PDGFD: variants seen among roughly 807,000 people sequenced by gnomAD.
PDGFD encodes platelet derived growth factor D.
Under a neutral mutation model 44.7 loss-of-function variants are expected in PDGFD, and 30 were observed. That is an observed-to-expected ratio of 0.67 (90% confidence interval 0.50 to 0.91). PDGFD has a LOEUF of 0.91. Among genes scored for constraint, PDGFD ranks in the 40% least tolerant of loss-of-function variants. The pLI is 0.00. For synonymous variants in PDGFD, 173 were observed against 168.4 expected (o/e 1.03, Z -0.21); for missense variants, 445 against 457.8 (o/e 0.97, Z 0.25).
At chr11:103,971,202 T>A (rs750838469) in intron 3 of PDGFD, among the ~76,000 whole-genome samples, 1 of 152,188 alleles carries the variant, frequency 6.6e-6, no homozygotes, top group Non-Finnish European at 1.5e-5. Flanking sequence ...GAATATATTT[T>A]ATGAAAATCA....
intron 4 of PDGFD, chr11:103,945,841 C>T (rs796703091): frequency 1.3e-5 from 2 of 152,136 alleles, no homozygotes; most frequent in Non-Finnish European, 2.9e-5. Flanking sequence ...CAATCCAAAC[C>T]ATAGGTAAAA....
At chr11:103,913,794 C>A (rs1208527889) in intron 6 of PDGFD, among the ~76,000 whole-genome samples, 1 of 151,738 alleles carries the variant, frequency 6.6e-6, no homozygotes, top group Non-Finnish European at 1.5e-5. Context: ...CAAAGAGATG[C>A]AATAAAAAAT....
chr11:103,981,117 TGGTTAATGGATTAATG>T (rs981298690), intron 3 of PDGFD, among the ~76,000 whole-genome samples: 6 of 150,110 alleles, frequency 4.0e-5, no homozygotes, highest in Admixed American at 1.3e-4. Context: ...ATTCATTTAC[TGGTTAATGGATTAATG>T]GGTTAATGGA....
intron 3 of PDGFD, among the ~76,000 whole-genome samples, chr11:103,983,722 A>C (rs1390534629): frequency 6.6e-6 from 1 of 151,844 alleles, no homozygotes; most frequent in Non-Finnish European, 1.5e-5. Flanking sequence ...TAAATTTACA[A>C]GAAAAAAATA....
chr11:103,983,788 A>G (rs1277870579), intron 3 of PDGFD, among the ~76,000 whole-genome samples: 1 of 151,880 alleles, frequency 6.6e-6, no homozygotes, highest in Non-Finnish European at 1.5e-5. Context: ...AAGAAGACAT[A>G]CATGTGGCCG....
intron 1 of PDGFD, among the ~76,000 whole-genome samples, chr11:104,138,277 A>G (rs1862038983): frequency 1.3e-5 from 2 of 152,198 alleles, no homozygotes; most frequent in Admixed American, 1.3e-4. Flanking sequence ...TTTTTACATT[A>G]AAAAACTCAC....
At chr11:103,980,252 T>C (rs1036730479) in intron 3 of PDGFD, among the ~76,000 whole-genome samples, 4 of 152,098 alleles carry the variant, frequency 2.6e-5, no homozygotes, top group Admixed American at 6.6e-5. Context: ...TGGCCTTGAA[T>C]AGCTATGCAT....
intron 4 of PDGFD, among the ~76,000 whole-genome samples, chr11:103,944,895 G>A (rs529649940): frequency 6.6e-6 from 1 of 152,264 alleles, no homozygotes; most frequent in African/African-American, 2.4e-5. Context: ...AGGGAGTCAA[G>A]GGAGTTGGGT....
At chr11:103,983,465 T>C (rs377195699) in intron 3 of PDGFD, among the ~76,000 whole-genome samples, 3 of 147,980 alleles carry the variant, frequency 2.0e-5, no homozygotes, top group African/African-American at 7.7e-5. Flanking sequence ...ACTAAAAAAA[T>C]CCTGAAGACA....
chr11:104,111,009 G>C (rs1455033447), intron 1 of PDGFD, among the ~76,000 whole-genome samples: 1 of 152,010 alleles, frequency 6.6e-6, no homozygotes, highest in Non-Finnish European at 1.5e-5. Context: ...TTTGTTTATT[G>C]AGTAAAATTC....
chr11:104,105,291 C>A (rs994035129), intron 1 of PDGFD, among the ~76,000 whole-genome samples: 7 of 152,228 alleles, frequency 4.6e-5, no homozygotes, highest in African/African-American at 1.7e-4. Flanking sequence ...AAATTCCAGT[C>A]TTTATTATAG....
At chr11:104,114,950 G>C (rs149604991) in intron 1 of PDGFD, among the ~76,000 whole-genome samples, 1 of 150,628 alleles carries the variant, frequency 6.6e-6, no homozygotes, top group East Asian at 1.9e-4. Context: ...TTGGTTAAAT[G>C]AGTAAGTTCT....
intron 1 of PDGFD, among the ~76,000 whole-genome samples, chr11:104,076,859 G>A (rs1421306798): frequency 1.3e-5 from 2 of 152,128 alleles, no homozygotes; most frequent in African/African-American, 4.8e-5. Flanking sequence ...GGAGGATGAA[G>A]ACCTTTATTA....
At chr11:103,989,918 A>C (rs911606093) in intron 3 of PDGFD, among the ~76,000 whole-genome samples, 1 of 152,186 alleles carries the variant, frequency 6.6e-6, no homozygotes, top group African/African-American at 2.4e-5. Context: ...TCTGATGATG[A>C]TAATAATGAT....
At chr11:103,918,054 T>A (rs1858154706) in intron 6 of PDGFD, among the ~76,000 whole-genome samples, 1 of 152,190 alleles carries the variant, frequency 6.6e-6, no homozygotes. Context: ...TGATGCAGAA[T>A]GGAAGATGGA....
intron 3 of PDGFD, among the ~76,000 whole-genome samples, chr11:103,960,377 C>T (rs535681776): frequency 1.4e-4 from 22 of 152,266 alleles, no homozygotes; most frequent in Middle Eastern, 3.4e-3. Context: ...TCATGCCTCA[C>T]ACTTACACTT....
At chr11:103,950,363 AC>A (rs1414236375) in intron 3 of PDGFD, among the ~76,000 whole-genome samples, 6 of 148,802 alleles carry the variant, frequency 4.0e-5, no homozygotes, top group African/African-American at 7.5e-5. Context: ...AGCCTGGCCA[AC>A]ATGGTGAAAA....
At chr11:104,111,983 T>C (rs925266143) in intron 1 of PDGFD, among the ~76,000 whole-genome samples, 1 of 152,214 alleles carries the variant, frequency 6.6e-6, no homozygotes, top group Non-Finnish European at 1.5e-5. Flanking sequence ...GGCAGTATCC[T>C]GCTTATTATA....
chr11:104,082,280 C>T (rs1451167693), intron 1 of PDGFD, among the ~76,000 whole-genome samples: 5 of 151,784 alleles, frequency 3.3e-5, no homozygotes, highest in African/African-American at 1.2e-4. Flanking sequence ...GGGTGCCTTT[C>T]GCTCTGAGTG....
Sources: allele counts gnomAD v4.1 joint callset (sites outside exome capture counted in the v4.1 genomes callset), GRCh38; gene constraint gnomAD v4.1.1; transcripts MANE v1.5; gene names NCBI Gene and HGNC (gene_info 2026-07-23, HGNC 2026-07-21).